The following AFF3 variants were observed in gnomAD, a reference collection of about 807,000 sequenced individuals.
AFF3 encodes the protein AF4/FMR2 family member 3.
A neutral mutation model predicts 129.7 loss-of-function variants in AFF3; 32 were observed. That is an observed-to-expected ratio of 0.25 (90% CI 0.19 to 0.33). The LOEUF (loss-of-function observed/expected upper bound fraction) is 0.33. AFF3 is among the 10% of genes least tolerant of loss of function. The pLI is 1.00. For synonymous variants in AFF3, 644 were observed against 635.4 expected (o/e 1.01, Z -0.20); for missense variants, 1,373 against 1,592.0 (o/e 0.86, Z 2.34).
At chr2:99,692,970 G>A (rs1431559360) in intron 11 of AFF3, among the ~76,000 whole-genome samples, 1 of 152,222 alleles carries the variant, frequency 6.6e-6, no homozygotes, top group Non-Finnish European at 1.5e-5. Flanking sequence ...TTATATTGAA[G>A]TGACCATTCT....
intron 12 of AFF3, among the ~76,000 whole-genome samples, chr2:99,657,849 A>G (rs1017024193): frequency 3.9e-5 from 6 of 152,242 alleles, no homozygotes; most frequent in Non-Finnish European, 7.3e-5. Context: ...ACATTATCTC[A>G]TAAGGTGGAT....
chr2:99,594,131 G>A lies in AFF3; in HGVS notation c.1530C>T (p.Val510=). The part of the protein sequence containing the change: ...VKEDVQDCGK[V]PDVCQPSLRE... ...TCAGGCTGGGCTGGCAAACGTCGGG[G>A]ACTTTCCCACAGTCCTGGACGTCCT... is the stretch of plus-strand genomic sequence containing the variant. The change falls in exon 15 of 25, where the codon GTC becomes GTT. Residue 510 remains valine, a synonymous_variant. Coordinates refer to ENST00000672756, the MANE Select transcript of AFF3 (RefSeq NM_001386135.1). 6.2e-7 allele frequency: 1 copy of A among 1,614,096 alleles called. No homozygotes were observed. The highest frequency in any genetic ancestry group is 8.5e-7 in the Non-Finnish European group (1 of 1,180,000).
chr2:99,880,126 T>C lies in AFF3; in HGVS notation c.874-42602A>G, dbSNP rs1692601505. 4.6e-5 allele frequency among the ~76,000 whole-genome samples: 7 copies of C among 152,206 alleles called. No individual in the cohort carries two copies. In the South Asian group the frequency reaches 1.4e-3, roughly 31 times the overall value. ...AGTAAAGATTTTACTTTCCAAGGAT[T>C]CATCTTTGAATTCTTGTGGGTGGTT... On this transcript the variant is annotated intron_variant, in intron 7 of 24. Coordinates refer to ENST00000672756, the MANE Select transcript of AFF3 (RefSeq NM_001386135.1).
intron 4 of AFF3, among the ~76,000 whole-genome samples, chr2:100,096,091 C>G (rs1472241162): frequency 5.3e-5 from 8 of 151,966 alleles, no homozygotes; most frequent in African/African-American, 1.7e-4. Context: ...CCCATCCCCC[C>G]AACCCCAGCC....
chr2:99,848,586 T>C (rs137996303), intron 7 of AFF3, among the ~76,000 whole-genome samples: 2,140 of 152,252 alleles, frequency 0.014, 20 homozygotes, highest in Admixed American at 0.042. Flanking sequence ...TAAAATAAAT[T>C]AATTAAAAAG....
chr2:99,648,909 A>T (rs1379249336), intron 13 of AFF3, among the ~76,000 whole-genome samples: 217 of 43,018 alleles, frequency 5.0e-3, no homozygotes, highest in South Asian at 8.2e-3. Flanking sequence ...ACACACACAC[A>T]CACACACACT....
intron 4 of AFF3, among the ~76,000 whole-genome samples, chr2:100,053,366 A>G (rs1686508085): frequency 1.3e-5 from 2 of 152,364 alleles, no homozygotes; most frequent in South Asian, 4.1e-4. Flanking sequence ...GCTCAGTGCC[A>G]AGAGTGTGAA....
intron 14 of AFF3, among the ~76,000 whole-genome samples, chr2:99,598,459 C>T (rs896665297): frequency 2.6e-5 from 4 of 152,162 alleles, no homozygotes; most frequent in African/African-American, 4.8e-5. Flanking sequence ...CCATGCTACG[C>T]GGGAACATGG....
intron 11 of AFF3, among the ~76,000 whole-genome samples, chr2:99,713,421 A>C (rs1209559706): frequency 6.6e-6 from 1 of 151,832 alleles, no homozygotes; most frequent in Admixed American, 6.6e-5. Flanking sequence ...GGCACGTGCC[A>C]CCACGCTCAG....
chr2:99,756,447 G>A (rs1293220833), intron 8 of AFF3, among the ~76,000 whole-genome samples: 1 of 152,220 alleles, frequency 6.6e-6, no homozygotes, highest in African/African-American at 2.4e-5. Flanking sequence ...TGTTTCCCAA[G>A]GACAGACCTG....
chr2:99,852,161 A>T (rs1179187204), intron 7 of AFF3, among the ~76,000 whole-genome samples: 1 of 152,164 alleles, frequency 6.6e-6, no homozygotes, highest in Non-Finnish European at 1.5e-5. Flanking sequence ...CTTATTTTTC[A>T]TGATCATGTG....
chr2:99,772,124 G>A (rs1362836404), intron 8 of AFF3, among the ~76,000 whole-genome samples: 2 of 152,106 alleles, frequency 1.3e-5, no homozygotes, highest in African/African-American at 2.4e-5. Context: ...GACAAAATAG[G>A]AAAGGAGAGA....
rs535142132 is a variant in AFF3 at position 99,762,626 on chromosome 2, A to T, written c.922-10325T>A. ...TAGGAATTAATTGAACTTCTCTGTA[A>T]GTCTCTTTTCTTGCCTGTGAAATAA... On this transcript the variant is annotated intron_variant, in intron 8 of 24. Transcript: ENST00000672756. Among the ~76,000 whole-genome samples the T allele has an allele frequency of 1.4e-4, 22 of 152,352 alleles. No homozygotes were observed. The East Asian group carries it at 4.2e-3, about 29-fold the overall frequency.
intron 7 of AFF3, among the ~76,000 whole-genome samples, chr2:99,874,638 C>T (rs1485465924): frequency 6.6e-6 from 1 of 151,826 alleles, no homozygotes; most frequent in Non-Finnish European, 1.5e-5. Context: ...AGAAACAGAA[C>T]TTACTGAAAT....
chr2:99,623,143 C>G (rs1682198936), intron 13 of AFF3, among the ~76,000 whole-genome samples: 1 of 149,802 alleles, frequency 6.7e-6, no homozygotes, highest in Admixed American at 6.6e-5. Flanking sequence ...TTTTGTTGAC[C>G]TCTGGTTCTT....
intron 13 of AFF3, among the ~76,000 whole-genome samples, chr2:99,623,373 C>T (rs563254700): frequency 2.0e-5 from 3 of 152,246 alleles, no homozygotes; most frequent in African/African-American, 7.2e-5. Flanking sequence ...TTGGTCAAGG[C>T]ATTTTAATTT....
intron 7 of AFF3, among the ~76,000 whole-genome samples, chr2:99,886,267 A>G (rs1693104566): frequency 6.6e-6 from 1 of 152,178 alleles, no homozygotes; most frequent in Non-Finnish European, 1.5e-5. Flanking sequence ...TTCCATGCAC[A>G]TATTTTAAAG....
intron 11 of AFF3, among the ~76,000 whole-genome samples, chr2:99,726,616 G>A (rs1482170373): frequency 6.6e-6 from 1 of 152,148 alleles, no homozygotes; most frequent in Non-Finnish European, 1.5e-5. Flanking sequence ...AACTGCTTTT[G>A]TTAATTCAAA....
chr2:100,007,563 G>A, intron 5 of AFF3, 103 bp from the exon 6 acceptor site: 1 of 1,059,152 alleles, frequency 9.4e-7, no homozygotes. Context: ...GTTGTCACAT[G>A]CAGAATGAGA....
Sources: allele counts gnomAD v4.1 joint callset (sites outside exome capture counted in the v4.1 genomes callset), GRCh38; gene constraint gnomAD v4.1.1; transcripts MANE v1.5; gene names NCBI Gene and HGNC (gene_info 2026-07-23, HGNC 2026-07-21).